The following SEMA6D variants were observed in gnomAD, a reference collection of about 807,000 sequenced individuals.
SEMA6D encodes semaphorin-6D.
A neutral mutation model predicts 106.6 loss-of-function variants in SEMA6D; 35 were observed. The observed-to-expected ratio is 0.33, with a 90% confidence interval of 0.25 to 0.44. The LOEUF is 0.44. SEMA6D is among the 20% of genes least tolerant of loss of function. SEMA6D has a pLI of 1.00. For missense variants in SEMA6D, 1,185 were observed against 1,345.9 expected (o/e 0.88, Z 1.87); for synonymous variants, 499 against 487.7 (o/e 1.02, Z -0.31).
chr15:47,367,034 G>T (rs2039054036), intron 1 of SEMA6D, among the ~76,000 whole-genome samples: 1 of 152,142 alleles, frequency 6.6e-6, no homozygotes, highest in African/African-American at 2.4e-5. Context: ...CATCTCTTAA[G>T]GTTATTTAGC....
At chr15:47,677,457 A>C (rs1454079883) in intron 4 of SEMA6D, among the ~76,000 whole-genome samples, 1 of 152,192 alleles carries the variant, frequency 6.6e-6, no homozygotes, top group South Asian at 2.1e-4. Context: ...ACATTCTATT[A>C]GTCAAGCAGA....
intron 3 of SEMA6D, 46 bp downstream of exon 3, chr15:47,760,461 T>C: frequency 6.9e-7 from 1 of 1,449,542 alleles, no homozygotes; most frequent in South Asian, 1.2e-5. Flanking sequence ...TCTTTTCTCT[T>C]GTGGTGCTTG....
intron 2 of SEMA6D, among the ~76,000 whole-genome samples, chr15:47,461,640 C>T (rs982700850): frequency 4.6e-5 from 7 of 151,834 alleles, no homozygotes; most frequent in African/African-American, 1.2e-4. Flanking sequence ...ATAGGATGTT[C>T]GGGAAAAGCT....
chr15:47,733,466 T>C (rs2080259511), intron 1 of SEMA6D, among the ~76,000 whole-genome samples: 1 of 152,214 alleles, frequency 6.6e-6, no homozygotes, highest in African/African-American at 2.4e-5. Context: ...TCTAGTTGCA[T>C]TTTTGTTCAC....
At chr15:47,600,938 C>T (rs996622026) in intron 4 of SEMA6D, 2 of 151,920 alleles carry the variant, frequency 1.3e-5, no homozygotes, top group Admixed American at 1.3e-4. Flanking sequence ...CAAAATCCAG[C>T]GAATTGTTAC....
chr15:47,401,597 C>T (rs149225515), intron 1 of SEMA6D, among the ~76,000 whole-genome samples: 1 of 152,182 alleles, frequency 6.6e-6, no homozygotes, highest in Non-Finnish European at 1.5e-5. Context: ...AGCCTGCTCT[C>T]ACCCAACTTC....
intron 1 of SEMA6D, among the ~76,000 whole-genome samples, chr15:47,363,751 T>G (rs1041998530): frequency 1.1e-4 from 16 of 152,184 alleles, no homozygotes; most frequent in Non-Finnish European, 2.2e-4. Context: ...AGTTTCATAC[T>G]GCTATAAAGA....
At chr15:47,210,556 C>T (rs370346923) in intron 1 of SEMA6D, among the ~76,000 whole-genome samples, 19 of 151,818 alleles carry the variant, frequency 1.3e-4, no homozygotes, top group Non-Finnish European at 1.9e-4. Flanking sequence ...GGGCGGATCA[C>T]GAGATCAAGA....
intron 4 of SEMA6D, among the ~76,000 whole-genome samples, chr15:47,645,698 C>T (rs1260333563): frequency 6.6e-6 from 1 of 152,104 alleles, no homozygotes; most frequent in African/African-American, 2.4e-5. Flanking sequence ...AGGGCTCAGT[C>T]CCACAAGACT....
At chr15:47,293,581 G>A (rs796639439) in intron 1 of SEMA6D, among the ~76,000 whole-genome samples, 35 of 152,292 alleles carry the variant, frequency 2.3e-4, no homozygotes, top group African/African-American at 7.9e-4. Flanking sequence ...TTATGTGTAA[G>A]GGCCTTTGCC....
chr15:47,735,769 T>A (rs1269852826), intron 1 of SEMA6D, among the ~76,000 whole-genome samples: 2 of 152,202 alleles, frequency 1.3e-5, no homozygotes, highest in Non-Finnish European at 2.9e-5. Flanking sequence ...CCTGAAGAGA[T>A]GGGGAGCTTT....
intron 2 of SEMA6D, among the ~76,000 whole-genome samples, chr15:47,437,029 AAGGGAGGGT>A (rs1253477740): frequency 1.2e-5 from 1 of 86,018 alleles, no homozygotes; most frequent in African/African-American, 4.5e-5. Flanking sequence ...AGAAAGAGAG[AAGGGAGGGT>A]AGGGAGGGGA....
chr15:47,563,874 A>G (rs1175196407), intron 3 of SEMA6D, among the ~76,000 whole-genome samples: 1 of 152,200 alleles, frequency 6.6e-6, no homozygotes, highest in Non-Finnish European at 1.5e-5. Context: ...CTCTTCGGCC[A>G]ATGTCCTGTG....
intron 4 of SEMA6D, among the ~76,000 whole-genome samples, chr15:47,622,522 A>G (rs2077125620): frequency 6.6e-6 from 1 of 152,144 alleles, no homozygotes; most frequent in South Asian, 2.1e-4. Context: ...CATCTCTTCA[A>G]CTTTGCTTCT....
chr15:47,433,349 T>C (rs895959859), intron 2 of SEMA6D, among the ~76,000 whole-genome samples: 14 of 151,778 alleles, frequency 9.2e-5, no homozygotes, highest in Non-Finnish European at 2.1e-4. Flanking sequence ...TATATTTATA[T>C]ATTAGACATA....
intron 3 of SEMA6D, among the ~76,000 whole-genome samples, chr15:47,599,678 C>G (rs1406442175): frequency 6.6e-6 from 1 of 151,574 alleles, no homozygotes; most frequent in Non-Finnish European, 1.5e-5. Context: ...TTTCTTTTTT[C>G]TATTTTCTTG....
intron 1 of SEMA6D, among the ~76,000 whole-genome samples, chr15:47,200,623 T>C (rs1894659701): frequency 1.3e-5 from 2 of 152,200 alleles, no homozygotes; most frequent in Non-Finnish European, 2.9e-5. Flanking sequence ...TTTAAATTTA[T>C]GTAGTAAAGT....
At chr15:47,619,731 T>C (rs62000793) in intron 4 of SEMA6D, among the ~76,000 whole-genome samples, 8,591 of 152,254 alleles carry the variant, frequency 0.056, 400 homozygotes, top group Non-Finnish European at 0.086. Flanking sequence ...GAGTGCTCTT[T>C]AGTGTGAATT....
intron 1 of SEMA6D, among the ~76,000 whole-genome samples, chr15:47,720,038 G>T (rs919574740): frequency 1.3e-5 from 2 of 152,134 alleles, no homozygotes; most frequent in Non-Finnish European, 2.9e-5. Flanking sequence ...GTTTTTTATA[G>T]TTACTGTCTG....
Sources: allele counts gnomAD v4.1 joint callset (sites outside exome capture counted in the v4.1 genomes callset), GRCh38; gene constraint gnomAD v4.1.1; transcripts MANE v1.5; gene names NCBI Gene and HGNC (gene_info 2026-07-23, HGNC 2026-07-21).